PCDHGA1: variants seen among roughly 807,000 people sequenced by gnomAD.
The protein encoded by PCDHGA1 is protocadherin gamma-A1.
In PCDHGA1, 32 loss-of-function variants were observed where a neutral mutation model predicts 58.0. That is an observed-to-expected ratio of 0.55 (90% CI 0.42 to 0.74). The LOEUF is 0.74. PCDHGA1 is among the 30% of genes least tolerant of loss of function. PCDHGA1 has a pLI of 0.00. For missense variants in PCDHGA1, 1,205 were observed against 1,182.3 expected, an observed-to-expected ratio of 1.02 and a Z score of -0.28; for synonymous variants, 498 against 501.1, an observed-to-expected ratio of 0.99 and a Z score of 0.08.
chr5:141,330,981 C>A lies in PCDHGA1; in HGVS notation c.297C>A (p.Ser99Arg). ...ACCGGGAGGAGCTCTGCGCTCAGAG[C>A]ATGCCGTGTCTCGTGAGTTTTAATA... Reference protein sequence around the residue: ...RIDREELCAQSMPCLVSFNIL... With the variant: ...RIDREELCAQRMPCLVSFNIL... The change falls in exon 1 of 4, where the codon AGC becomes AGA. Residue 99 changes from serine (S) to arginine (R), a missense_variant. By Grantham distance (110) the Ser-to-Arg change is moderately radical. Coordinates refer to ENST00000517417, the MANE Select transcript of PCDHGA1 (RefSeq NM_018912.3). The A allele has an allele frequency of 1.2e-6, 2 of 1,614,186 alleles. No individual in the cohort carries two copies. The highest frequency in any genetic ancestry group is 1.7e-6 in the Non-Finnish European group (2 of 1,180,036).
intron 2 of PCDHGA1, among the ~76,000 whole-genome samples, chr5:141,496,347 T>C (rs1168306693): frequency 6.6e-6 from 1 of 152,198 alleles, no homozygotes; most frequent in Non-Finnish European, 1.5e-5. Context: ...TGGAGGAGTC[T>C]CAGAGCCCAG....
chr5:141,341,334 A>G (rs1336534139), intron 1 of PCDHGA1: 1 of 1,614,106 alleles, frequency 6.2e-7, no homozygotes, highest in Non-Finnish European at 8.5e-7. Flanking sequence ...TGTGAGAAAA[A>G]GGATTTTTTA....
intron 2 of PCDHGA1, among the ~76,000 whole-genome samples, chr5:141,501,279 A>T (rs1180397181): frequency 3.0e-5 from 4 of 135,444 alleles, no homozygotes. Context: ...AGTCTATGGG[A>T]TATTCCCTTA....
chr5:141,346,052 C>A (rs1421080546), intron 1 of PCDHGA1: 1 of 1,613,460 alleles, frequency 6.2e-7, no homozygotes, highest in Admixed American at 1.7e-5. Flanking sequence ...ACATCCTGGC[C>A]GACCTGGGCA....
intron 1 of PCDHGA1, chr5:141,393,030 C>T (rs1376617687): frequency 1.2e-6 from 2 of 1,613,780 alleles, no homozygotes; most frequent in Admixed American, 3.3e-5. Context: ...AGGTAGGACG[C>T]AGCTCTTTGC....
chr5:141,399,570 C>T (rs1297172097), intron 1 of PCDHGA1: 1 of 1,614,044 alleles, frequency 6.2e-7, no homozygotes, highest in Non-Finnish European at 8.5e-7. Context: ...GGTTGAACGG[C>T]CAAGTCTCCT....
intron 1 of PCDHGA1, chr5:141,409,824 C>A (rs1265260597): frequency 6.2e-7 from 1 of 1,610,742 alleles, no homozygotes; most frequent in Non-Finnish European, 8.5e-7. Flanking sequence ...GGCTCGCCCA[C>A]GCTCAGCGCC....
At chr5:141,438,621 TATATATATATATATACAC>T (rs1369797568) in intron 1 of PCDHGA1, among the ~76,000 whole-genome samples, 6 of 41,386 alleles carry the variant, frequency 1.4e-4, no homozygotes, top group South Asian at 9.0e-4. Context: ...TATATATATA[TATATATATATATATACAC>T]ACACACACAC....
intron 1 of PCDHGA1, chr5:141,405,534 C>T: frequency 3.1e-6 from 2 of 648,486 alleles, no homozygotes; most frequent in Non-Finnish European, 5.3e-6. Flanking sequence ...ATTCTCCTGC[C>T]TCAGCCTCCC....
intron 1 of PCDHGA1, among the ~76,000 whole-genome samples, chr5:141,473,380 G>A (rs1363453338): frequency 6.6e-6 from 1 of 152,204 alleles, no homozygotes; most frequent in African/African-American, 2.4e-5. Context: ...CATGGTCCCT[G>A]CCCTCCTGGA....
chr5:141,357,656 A>G, intron 1 of PCDHGA1: 1 of 1,605,850 alleles, frequency 6.2e-7, no homozygotes, highest in Non-Finnish European at 8.5e-7. Flanking sequence ...TACCACACTG[A>G]AATATAGACA....
At chr5:141,430,918 G>T (rs766412276) in intron 1 of PCDHGA1, 2 of 1,607,866 alleles carry the variant, frequency 1.2e-6, no homozygotes, top group South Asian at 2.2e-5. Context: ...GGGACCTGGG[G>T]CTGGAGCCCC....
intron 1 of PCDHGA1, chr5:141,350,184 TCACAGAAGTC>T: frequency 7.4e-7 from 1 of 1,346,586 alleles, no homozygotes; most frequent in Non-Finnish European, 9.9e-7. Flanking sequence ...TAAGCTCAAA[TCACAGAAGTC>T]CAGGGTGCTG....
In PCDHGA1 at chr5:141,476,299, C is replaced by T; in HGVS notation, c.2422-18508C>T. ...ACCTTGGTTTGGATCTCGGTAGCCT[C>T]TCAGCCCGCAGGTTCCGGGTGGTGT... On this transcript the variant is annotated intron_variant, in intron 1 of 3. Transcript: ENST00000517417. The surrounding 1 kb of genome is among the most constrained non-coding windows in gnomAD (Gnocchi z 7.6). The T allele has an allele frequency of 6.2e-7, 1 of 1,614,100 alleles. No individual in the cohort carries two copies. The highest frequency in any genetic ancestry group is 1.1e-5 in the South Asian group (1 of 91,074).
intron 1 of PCDHGA1, chr5:141,361,921 G>C: frequency 6.2e-7 from 1 of 1,607,720 alleles, no homozygotes; most frequent in Non-Finnish European, 8.5e-7. Flanking sequence ...GGCGGTGGAC[G>C]CAGACTCAGG....
At position 141,388,323 on chromosome 5, in the gene PCDHGA1, C is replaced by T. The variant is rs534112048; in HGVS notation, c.2421+55218C>T. On this transcript the variant is annotated intron_variant, in intron 1 of 3. Coordinates refer to ENST00000517417, the MANE Select transcript of PCDHGA1 (RefSeq NM_018912.3). ...TGAGCTGCAAATAAGTGAGTCTGCA[C>T]AGCCTGGCACACGATTTATATTAGG... 54 of 1,613,894 alleles carry T rather than the reference C, an allele frequency of 3.3e-5. No individual in the cohort carries two copies. In the East Asian group the frequency reaches 1.2e-3, roughly 35 times the overall value.
At chr5:141,470,165 G>C (rs559578238) in intron 1 of PCDHGA1, among the ~76,000 whole-genome samples, 1 of 152,276 alleles carries the variant, frequency 6.6e-6, no homozygotes, top group Non-Finnish European at 1.5e-5. Context: ...TCAAATCAAA[G>C]TATGCAAAAT....
At chr5:141,389,039 A>C in intron 1 of PCDHGA1, 1 of 1,613,988 alleles carries the variant, frequency 6.2e-7, no homozygotes, top group Non-Finnish European at 8.5e-7. Context: ...GTAAATTGGA[A>C]GGTGATGTTC....
In PCDHGA1 at chr5:141,345,015, C is replaced by G. The variant is rs756820605; in HGVS notation, c.2421+11910C>G. 5 of 1,613,850 alleles carry G rather than the reference C, an allele frequency of 3.1e-6. No homozygotes were observed. Among genetic ancestry groups the G allele is most frequent in the Non-Finnish European group, 4.2e-6 (5 of 1,179,886 alleles). On this transcript the variant is annotated intron_variant, in intron 1 of 3. Transcript: ENST00000517417. ...TGAAGCACAGGATGGACCAGGTCTT[C>G]TTTCAAGAGCCAAGATTCTAGTCAC...
Sources: allele counts gnomAD v4.1 joint callset (sites outside exome capture counted in the v4.1 genomes callset), GRCh38; gene constraint gnomAD v4.1.1; non-coding constraint Gnocchi (gnomAD v3.1); transcripts MANE v1.5; gene names NCBI Gene and HGNC (gene_info 2026-07-23, HGNC 2026-07-21).